The following ST7 variants were observed in gnomAD, a reference collection of about 807,000 sequenced individuals.
ST7 encodes suppressor of tumorigenicity 7 protein.
Under a neutral mutation model 78.7 loss-of-function variants are expected in ST7, and 28 were observed. That is an observed-to-expected ratio of 0.36 (90% CI 0.26 to 0.49). The LOEUF (loss-of-function observed/expected upper bound fraction) is 0.49. ST7 is among the 20% of genes least tolerant of loss of function. The pLI is 0.99. For missense variants in ST7, 418 were observed against 696.0 expected (o/e 0.60, Z 4.49); for synonymous variants, 247 against 249.6 (o/e 0.99, Z 0.10).
intron 9 of ST7, chr7:117,146,371 A>G (rs1805792805): frequency 6.6e-6 from 1 of 152,266 alleles, no homozygotes; most frequent in Admixed American, 6.5e-5. Flanking sequence ...ATAGAACAGA[A>G]TAAGCCCAGG....
chr7:117,095,833 C>T (rs981730202), intron 1 of ST7, among the ~76,000 whole-genome samples: 6 of 151,708 alleles, frequency 4.0e-5, no homozygotes, highest in Non-Finnish European at 5.9e-5. Flanking sequence ...TTTGGGAGGC[C>T]GAGGTGGGCG....
Position 117,119,590 on chromosome 7 carries a change from C to T in ST7, c.264C>T (p.Tyr88=), listed in dbSNP as rs376064093. 27 of 1,611,876 alleles carry T rather than the reference C, an allele frequency of 1.7e-5. No individual in the cohort carries two copies. In the Middle Eastern group the frequency reaches 4.9e-4, roughly 29 times the overall value. ...TTGAATGGTGGTATTTTCGCAAATA[C>T]GGAACTTCATTCATTGAACAAGTCT... ...LIFEWWYFRK[Y]GTSFIEQVSV... is the part of the protein sequence containing the mutation. The change falls in exon 3 of 16, where the codon TAC becomes TAT. Residue 88 remains tyrosine (Y), a synonymous_variant. Coordinates refer to ENST00000323984, the MANE Select transcript of ST7 (RefSeq NM_001369598.1).
At chr7:117,152,487 C>T (rs779686151) in intron 9 of ST7, among the ~76,000 whole-genome samples, 3 of 152,026 alleles carry the variant, frequency 2.0e-5, no homozygotes, top group Non-Finnish European at 2.9e-5. Context: ...TCCCACTTAA[C>T]AGTTTATCTT....
At chr7:117,157,872 C>T (rs562612714) in intron 9 of ST7, among the ~76,000 whole-genome samples, 9 of 152,246 alleles carry the variant, frequency 5.9e-5, no homozygotes, top group East Asian at 1.9e-4. Flanking sequence ...TCATGATCTC[C>T]GGGCTAGGAC....
At chr7:116,970,832 C>CAATTATTTTG (rs1330158595) in intron 1 of ST7, among the ~76,000 whole-genome samples, 5 of 152,122 alleles carry the variant, frequency 3.3e-5, no homozygotes, top group African/African-American at 1.2e-4. Context: ...TGTTCTATAT[C>CAATTATTTTG]AATTATTTTG....
intron 9 of ST7, among the ~76,000 whole-genome samples, chr7:117,170,021 A>G (rs1424355661): frequency 6.6e-6 from 1 of 151,950 alleles, no homozygotes; most frequent in Non-Finnish European, 1.5e-5. Context: ...AACCCGTGTC[A>G]CTTTCTAGTT....
chr7:116,968,157 C>T (rs1350443001), intron 1 of ST7, among the ~76,000 whole-genome samples: 3 of 152,064 alleles, frequency 2.0e-5, no homozygotes, highest in Admixed American at 6.6e-5. Context: ...CATACTGATT[C>T]GTTGCACTAT....
chr7:117,124,254 A>G (rs1386555626), intron 3 of ST7, among the ~76,000 whole-genome samples: 1 of 152,108 alleles, frequency 6.6e-6, no homozygotes, highest in Non-Finnish European at 1.5e-5. Flanking sequence ...ATAATAACTA[A>G]CACTCTTAGT....
chr7:117,150,602 T>G (rs1451159113), intron 9 of ST7, among the ~76,000 whole-genome samples: 1 of 152,206 alleles, frequency 6.6e-6, no homozygotes, highest in African/African-American at 2.4e-5. Context: ...AGCTTCTCAG[T>G]GCTGGAGGGC....
intron 15 of ST7, among the ~76,000 whole-genome samples, chr7:117,225,078 G>A (rs1361214472): frequency 2.0e-5 from 3 of 152,182 alleles, no homozygotes; most frequent in Admixed American, 2.0e-4. Flanking sequence ...AATTGCCTGA[G>A]CCTGCTTTAA....
chr7:117,018,996 A>C (rs1039013654), intron 1 of ST7, among the ~76,000 whole-genome samples: 3 of 152,242 alleles, frequency 2.0e-5, no homozygotes, highest in Admixed American at 6.5e-5. Context: ...TAGATCCTAC[A>C]TATACTGACC....
At chr7:117,078,118 AC>A (rs1563063453) in intron 1 of ST7, among the ~76,000 whole-genome samples, 1 of 152,190 alleles carries the variant, frequency 6.6e-6, no homozygotes, top group African/African-American at 2.4e-5. Context: ...CCAAGAGAGA[AC>A]AAATCTGATC....
intron 10 of ST7, among the ~76,000 whole-genome samples, chr7:117,179,604 A>G (rs1432460646): frequency 2.7e-5 from 4 of 149,598 alleles, no homozygotes; most frequent in African/African-American, 9.8e-5. Context: ...CACAATTGGC[A>G]TGGCTTATTT....
At chr7:117,151,615 A>G (rs1806253835) in intron 9 of ST7, among the ~76,000 whole-genome samples, 1 of 151,952 alleles carries the variant, frequency 6.6e-6, no homozygotes, top group Non-Finnish European at 1.5e-5. Context: ...TTGTTTATTT[A>G]CTTATTTATT....
In ST7 at chr7:117,119,541, C is replaced by T. The variant is rs961232771; in HGVS notation, c.235-20C>T. 4 of 1,602,606 alleles carry T rather than the reference C, an allele frequency of 2.5e-6. No individual in the cohort carries two copies. Among genetic ancestry groups the T allele is most frequent in the African/African-American group, 1.3e-5 (1 of 74,300 alleles). On this transcript the variant is annotated intron_variant, in intron 2 of 15. Coordinates refer to ENST00000323984, the MANE Select transcript of ST7 (RefSeq NM_001369598.1). Reference sequence around the variant, plus strand: ...TAAATGATAACAGTGACCATAAACACGCTTATTTTTCTGTTCTAGATATTT... The same window carrying T: ...TAAATGATAACAGTGACCATAAACATGCTTATTTTTCTGTTCTAGATATTT...
intron 2 of ST7, among the ~76,000 whole-genome samples, chr7:117,108,236 G>C (rs1443288660): frequency 1.3e-5 from 2 of 152,104 alleles, no homozygotes; most frequent in Non-Finnish European, 2.9e-5. Flanking sequence ...TTAGATTTAA[G>C]TCTTTGATTC....
At chr7:117,064,102 C>T (rs540907331) in intron 1 of ST7, among the ~76,000 whole-genome samples, 13 of 151,492 alleles carry the variant, frequency 8.6e-5, no homozygotes, top group South Asian at 6.3e-4. Flanking sequence ...TTTTTTAATA[C>T]GGCATTTTAT....
At chr7:117,135,146 C>A (rs532234474) in intron 7 of ST7, among the ~76,000 whole-genome samples, 2 of 152,150 alleles carry the variant, frequency 1.3e-5, no homozygotes, top group African/African-American at 4.8e-5. Context: ...TGGTCTGTTA[C>A]AGCCTCACCA....
chr7:117,019,314 A>G (rs1274311227), intron 1 of ST7, among the ~76,000 whole-genome samples: 3 of 152,256 alleles, frequency 2.0e-5, no homozygotes, highest in Admixed American at 2.0e-4. Context: ...ATGAAAGTTC[A>G]TATGCTTCTA....
Sources: allele counts gnomAD v4.1 joint callset (sites outside exome capture counted in the v4.1 genomes callset), GRCh38; gene constraint gnomAD v4.1.1; transcripts MANE v1.5; gene names NCBI Gene and HGNC (gene_info 2026-07-23, HGNC 2026-07-21).